The following TYW1B variants were observed in gnomAD, a reference collection of about 807,000 sequenced individuals.
TYW1B encodes the protein S-adenosyl-L-methionine-dependent tRNA 4-demethylwyosine synthase TYW1B.
TYW1B carries 73 observed loss-of-function variants against 86.9 expected under a neutral mutation model. The ratio of observed to expected loss-of-function variants is 0.84; its 90% CI spans 0.70 to 1.02. The LOEUF (loss-of-function observed/expected upper bound fraction) is 1.02. TYW1B is among the 50% of genes least tolerant of loss of function. The pLI is 0.00. For missense variants in TYW1B, 637 were observed against 827.4 expected (o/e 0.77, Z 2.82); for synonymous variants, 248 against 292.8 (o/e 0.85, Z 1.56).
chr7:72,623,540 A>G (rs1812275334), intron 12 of TYW1B, among the ~76,000 whole-genome samples: 1 of 152,110 alleles, frequency 6.6e-6, no homozygotes, highest in Admixed American at 6.6e-5. Context: ...TGAAGGTGAA[A>G]GGGCCTAGTC....
chr7:72,810,114 G>C (rs1348740772), intron 4 of TYW1B, among the ~76,000 whole-genome samples: 11 of 150,550 alleles, frequency 7.3e-5, no homozygotes, highest in African/African-American at 2.4e-4. Context: ...CCCGTCTCTA[G>C]TAAAAATACA....
At chr7:72,648,572 G>A (rs1269812051) in intron 11 of TYW1B, among the ~76,000 whole-genome samples, 1 of 151,070 alleles carries the variant, frequency 6.6e-6, no homozygotes, top group East Asian at 1.9e-4. Context: ...AAATTCTCCT[G>A]CTTAAAGATC....
rs1487578511 is a variant in TYW1B at position 72,729,043 on chromosome 7, T to C, written c.1083-112A>G. 8.2e-5 allele frequency: 79 copies of C among 966,994 alleles called. 1 individual carries two copies. Among genetic ancestry groups the C allele is most frequent in the Non-Finnish European group, 1.2e-4 (75 of 640,662 alleles). 59.9% of individuals were successfully genotyped at this position (966,994 alleles called of 1,614,324 possible). ...AATCACAAAATCAGGACTGGTTTCC[T>C]CCTCAGAGTTCAACCACGTATAGTG... On this transcript the variant is annotated intron_variant, in intron 8 of 13. Coordinates refer to ENST00000620995, the MANE Select transcript of TYW1B (RefSeq NM_001145440.3).
chr7:72,762,804 C>T (rs554696739), intron 7 of TYW1B, among the ~76,000 whole-genome samples: 1 of 151,922 alleles, frequency 6.6e-6, no homozygotes, highest in Non-Finnish European at 1.5e-5. Flanking sequence ...GGACTACAGG[C>T]GCACCCCACC....
In TYW1B at chr7:72,681,594, T is replaced by C. The variant is rs1340483941; in HGVS notation, c.1506+13093A>G. ...TGTTGGAGTGTTATATTTACTTCTT[T>C]TTTTTTTTTTTTTTTTTTGAGTTAG... On this transcript the variant is annotated intron_variant, in intron 11 of 13. Transcript: ENST00000620995. 1.9e-4 allele frequency among the ~76,000 whole-genome samples: 28 copies of C among 145,264 alleles called. 1 individual carries two copies. The highest frequency in any genetic ancestry group is 3.5e-3 in the Middle Eastern group (1 of 284).
chr7:72,765,749 A>G (rs1787758841), intron 7 of TYW1B, among the ~76,000 whole-genome samples: 1 of 152,176 alleles, frequency 6.6e-6, no homozygotes. Flanking sequence ...TTCAGGTGTG[A>G]CCAACTGGTA....
chr7:72,704,047 T>A (rs1185782220), intron 10 of TYW1B, among the ~76,000 whole-genome samples: 1 of 152,174 alleles, frequency 6.6e-6, no homozygotes, highest in African/African-American at 2.4e-5. Context: ...CTTTGTAGTC[T>A]GTCATTCTTG....
In TYW1B at chr7:72,632,298, TAC is replaced by T. The variant is rs1554439901; in HGVS notation, c.1507-3303_1507-3302del. 3.0e-5 allele frequency among the ~76,000 whole-genome samples: 2 copies of T among 67,376 alleles called. 1 individual carries two copies. Among genetic ancestry groups the T allele is most frequent in the African/African-American group, 2.1e-4 (2 of 9,350 alleles). The allele number at this position is 67,376 out of a possible 152,430, so 44.2% of individuals were successfully genotyped here. A position where few individuals can be genotyped will look rare whatever the true frequency, so the allele number is the denominator to read the frequency against. ...ATATATATACGTGTATATATATATA[TAC>T]GTGTATATATATTATATATATTATA... is the stretch of plus-strand genomic sequence containing the variant. On this transcript the variant is annotated intron_variant, in intron 11 of 13. Transcript: ENST00000620995.
At chr7:72,633,320 C>A (rs1347739053) in intron 11 of TYW1B, among the ~76,000 whole-genome samples, 2 of 152,166 alleles carry the variant, frequency 1.3e-5, no homozygotes, top group Admixed American at 1.3e-4. Flanking sequence ...TAAAAGATTC[C>A]CGTCTAACAC....
intron 11 of TYW1B, among the ~76,000 whole-genome samples, chr7:72,689,920 A>G (rs1370051948): frequency 1.3e-5 from 2 of 152,206 alleles, no homozygotes; most frequent in African/African-American, 4.8e-5. Flanking sequence ...TGTGGGCCAC[A>G]CACATAAATT....
chr7:72,667,926 G>A (rs1193515245), intron 11 of TYW1B, among the ~76,000 whole-genome samples: 1 of 152,108 alleles, frequency 6.6e-6, no homozygotes, highest in Non-Finnish European at 1.5e-5. Context: ...TTTTTAGGTA[G>A]TTGTGTGTCA....
chr7:72,594,124 C>T (rs1271028659), intron 13 of TYW1B, among the ~76,000 whole-genome samples: 6 of 151,386 alleles, frequency 4.0e-5, no homozygotes, highest in African/African-American at 1.5e-4. Flanking sequence ...ACAGGACAAA[C>T]TGAACCAAAA....
rs547592344 is a variant in TYW1B, at chr7:72,653,036, T to TA, written c.1507-24040dup. On this transcript the variant is annotated intron_variant, in intron 11 of 13. Transcript: ENST00000620995. ...TTTAAACTTGAGGTAATATAATACT[T>TA]AGACAAAGGATCATGATATATTACT... 6.1e-3 allele frequency among the ~76,000 whole-genome samples: 922 copies of TA among 152,238 alleles called. 5 individuals carry two copies. The highest frequency in any genetic ancestry group is 9.3e-3 in the Non-Finnish European group (632 of 68,026).
At chr7:72,765,186 C>T (rs1787749857) in intron 7 of TYW1B, among the ~76,000 whole-genome samples, 1 of 152,140 alleles carries the variant, frequency 6.6e-6, no homozygotes, top group Non-Finnish European at 1.5e-5. Flanking sequence ...GGCTCACGAT[C>T]CTTAAGATTG....
At chr7:72,642,843 G>A (rs1409553260) in intron 11 of TYW1B, among the ~76,000 whole-genome samples, 1 of 152,192 alleles carries the variant, frequency 6.6e-6, no homozygotes, top group Non-Finnish European at 1.5e-5. Context: ...AGAAGTTGCA[G>A]TGAGCCAAGA....
chr7:72,705,523 C>A (rs1213715227), intron 10 of TYW1B, among the ~76,000 whole-genome samples: 1 of 152,126 alleles, frequency 6.6e-6, no homozygotes, highest in Non-Finnish European at 1.5e-5. Context: ...GATAAACCTG[C>A]TAGCAGCTAA....
intron 11 of TYW1B, among the ~76,000 whole-genome samples, chr7:72,679,864 T>TCCCAG (rs1563056826): frequency 6.6e-6 from 1 of 152,164 alleles, no homozygotes; most frequent in African/African-American, 2.4e-5. Flanking sequence ...GAGCAGTAGA[T>TCCCAG]CACCTCTGTA....
intron 2 of TYW1B, among the ~76,000 whole-genome samples, chr7:72,816,887 C>T (rs1788734405): frequency 1.3e-5 from 2 of 152,144 alleles, no homozygotes. Context: ...TGGCCCTGTG[C>T]AGCTCTTCCA....
chr7:72,702,986 C>CTATATATATA (rs371144509), intron 10 of TYW1B, among the ~76,000 whole-genome samples: 8 of 36,304 alleles, frequency 2.2e-4, no homozygotes, highest in South Asian at 2.1e-3. Context: ...ATCTATCTAT[C>CTATATATATA]TATATATATA....
Sources: gnomAD v4.1 joint callset for allele counts (sites outside exome capture counted in the v4.1 genomes callset) on GRCh38, gnomAD v4.1.1 for gene constraint, MANE v1.5 for transcripts, NCBI Gene and HGNC (gene_info 2026-07-23, HGNC 2026-07-21) for gene names.